Variants in VAT1L observed in about 807,000 individuals in gnomAD.
VAT1L encodes vesicle amine transport 1 like.
A neutral mutation model predicts 44.1 loss-of-function variants in VAT1L; 34 were observed. The observed-to-expected ratio is 0.77, with a 90% CI of 0.59 to 1.03. The LOEUF is 1.03. Among genes scored for constraint, VAT1L ranks in the 50% least tolerant of loss-of-function variants. The probability of loss-of-function intolerance (pLI) is 0.00; values close to 1 mark genes in which losing one functional copy is unlikely to be tolerated. For synonymous variants in VAT1L, 253 were observed against 202.2 expected (o/e 1.25, Z -2.13); for missense variants, 615 against 538.8 (o/e 1.14, Z -1.40).
rs2018248894 is a variant in VAT1L at position 77,968,698 on chromosome 16, G to A, written c.1078-3152G>A. Among the ~76,000 whole-genome samples the A allele has an allele frequency of 2.2e-5, 3 of 138,216 alleles. No homozygotes were observed. The South Asian group carries it at 7.9e-4, about 36-fold the overall frequency. The allele number at this position is 138,216 out of a possible 152,430, so 90.7% of individuals were successfully genotyped here. On this transcript the variant is annotated intron_variant, in intron 7 of 8. Coordinates refer to ENST00000302536, the MANE Select transcript of VAT1L (RefSeq NM_020927.3). ...CAAGATCACGCCACTGCACTCCAGC[G>A]TGGGCAACAGAGACTCCATCTCAAA... is the stretch of plus-strand genomic sequence containing the variant.
chr16:77,961,443 T>C (rs2018159275), intron 7 of VAT1L, among the ~76,000 whole-genome samples: 1 of 152,184 alleles, frequency 6.6e-6, no homozygotes, highest in African/African-American at 2.4e-5. Context: ...CCTGGGCCTG[T>C]TCCAATCTCT....
chr16:77,974,653 C>A (rs2018316062), intron 8 of VAT1L, among the ~76,000 whole-genome samples: 1 of 152,130 alleles, frequency 6.6e-6, no homozygotes, highest in Non-Finnish European at 1.5e-5. Flanking sequence ...ACCTCTGCCT[C>A]CTGGGTTCAA....
intron 7 of VAT1L, among the ~76,000 whole-genome samples, chr16:77,953,942 G>T (rs2018073555): frequency 6.6e-6 from 1 of 151,888 alleles, no homozygotes; most frequent in Non-Finnish European, 1.5e-5. Context: ...TGCTCATGTT[G>T]CACTAAGATC....
intron 8 of VAT1L, among the ~76,000 whole-genome samples, chr16:77,976,162 G>C (rs1454144670): frequency 6.6e-6 from 1 of 152,174 alleles, no homozygotes; most frequent in Non-Finnish European, 1.5e-5. Flanking sequence ...GAAAACTGCA[G>C]AGACATGGTC....
chr16:77,889,509 G>C (rs2017241558), intron 7 of VAT1L, among the ~76,000 whole-genome samples: 1 of 152,046 alleles, frequency 6.6e-6, no homozygotes, highest in Non-Finnish European at 1.5e-5. Flanking sequence ...CCTCTTTTAG[G>C]ATATTGAGTC....
chr16:77,794,370 G>A (rs942194592), intron 1 of VAT1L, among the ~76,000 whole-genome samples: 14 of 152,160 alleles, frequency 9.2e-5, no homozygotes, highest in African/African-American at 3.4e-4. Flanking sequence ...GGGATGCTTT[G>A]GGGGATCCAT....
chr16:77,932,907 T>A (rs1000955443), intron 7 of VAT1L, among the ~76,000 whole-genome samples: 1 of 152,198 alleles, frequency 6.6e-6, no homozygotes, highest in South Asian at 2.1e-4. Flanking sequence ...GATTCAAGCA[T>A]GTTAGAACTC....
chr16:77,818,676 A>G (rs1023965042), intron 2 of VAT1L, among the ~76,000 whole-genome samples: 2 of 152,222 alleles, frequency 1.3e-5, no homozygotes, highest in South Asian at 2.1e-4. Flanking sequence ...TTTCCTTTCA[A>G]TATGACTTAT....
At chr16:77,815,569 C>T (rs1236346228) in intron 1 of VAT1L, among the ~76,000 whole-genome samples, 1 of 152,168 alleles carries the variant, frequency 6.6e-6, no homozygotes, top group Non-Finnish European at 1.5e-5. Flanking sequence ...TTTATTCAGT[C>T]CCTGTGTATG....
intron 7 of VAT1L, among the ~76,000 whole-genome samples, chr16:77,951,885 G>T (rs1177514120): frequency 1.3e-5 from 2 of 151,472 alleles, no homozygotes; most frequent in Admixed American, 1.3e-4. Context: ...CTGTTACTAG[G>T]CAAGATTATT....
intron 2 of VAT1L, among the ~76,000 whole-genome samples, chr16:77,820,358 G>A (rs543301171): frequency 2.0e-3 from 303 of 152,302 alleles, no homozygotes; most frequent in Non-Finnish European, 2.4e-3. Flanking sequence ...AGATGAACCA[G>A]TGCTGCTTTA....
intron 7 of VAT1L, among the ~76,000 whole-genome samples, chr16:77,921,436 C>A (rs2017610845): frequency 6.6e-6 from 1 of 152,132 alleles, no homozygotes; most frequent in Non-Finnish European, 1.5e-5. Flanking sequence ...AGAAATACAT[C>A]CAGTGGGAGA....
At chr16:77,916,810 T>C (rs967661598) in intron 7 of VAT1L, among the ~76,000 whole-genome samples, 1 of 151,962 alleles carries the variant, frequency 6.6e-6, no homozygotes, top group Non-Finnish European at 1.5e-5. Context: ...TTTTTTTTTT[T>C]TTTTTCCTAA....
intron 7 of VAT1L, chr16:77,892,610 G>A: frequency 1.5e-6 from 1 of 674,920 alleles, no homozygotes; most frequent in Non-Finnish European, 2.8e-6. Context: ...TATGTGTCAA[G>A]GTGGTGACTT....
At chr16:77,844,990 A>T (rs1457499659) in intron 3 of VAT1L, among the ~76,000 whole-genome samples, 1 of 152,238 alleles carries the variant, frequency 6.6e-6, no homozygotes, top group African/African-American at 2.4e-5. Flanking sequence ...GGAGGCAGTT[A>T]TGTGAAAAGC....
At chr16:77,946,361 G>C (rs866238977) in intron 7 of VAT1L, among the ~76,000 whole-genome samples, 31 of 131,450 alleles carry the variant, frequency 2.4e-4, no homozygotes, top group Non-Finnish European at 6.2e-5. Context: ...TCAGCTCACT[G>C]CAAGTTCCGC....
At chr16:77,844,400 T>A (rs1170099922) in intron 3 of VAT1L, among the ~76,000 whole-genome samples, 1 of 149,158 alleles carries the variant, frequency 6.7e-6, no homozygotes, top group Non-Finnish European at 1.5e-5. Context: ...TACACCAGTT[T>A]ATTTTTTATT....
chr16:77,895,796 AG>A (rs1395436006), intron 7 of VAT1L, among the ~76,000 whole-genome samples: 1 of 152,268 alleles, frequency 6.6e-6, no homozygotes, highest in Non-Finnish European at 1.5e-5. Context: ...CTGCGCGCCA[AG>A]CACCGGGCCA....
intron 3 of VAT1L, among the ~76,000 whole-genome samples, chr16:77,851,511 G>C (rs1166530413): frequency 6.6e-6 from 1 of 152,068 alleles, no homozygotes; most frequent in Admixed American, 6.5e-5. Flanking sequence ...AAATTACCCA[G>C]ACATGGTGGC....
Sources: gnomAD v4.1 joint callset for allele counts (sites outside exome capture counted in the v4.1 genomes callset) on GRCh38, gnomAD v4.1.1 for gene constraint, MANE v1.5 for transcripts, NCBI Gene and HGNC (gene_info 2026-07-23, HGNC 2026-07-21) for gene names.